ALDH6A1: variants seen among roughly 807,000 people sequenced by gnomAD.
ALDH6A1 encodes the protein aldehyde dehydrogenase 6 family member A1.
ALDH6A1 carries 43 observed loss-of-function variants against 62.6 expected under a neutral mutation model. That is an observed-to-expected ratio of 0.69 (90% CI 0.54 to 0.89). The LOEUF (loss-of-function observed/expected upper bound fraction) is 0.89. Among genes scored for constraint, ALDH6A1 ranks in the 40% least tolerant of loss-of-function variants. ALDH6A1 has a pLI of 0.00. For missense variants in ALDH6A1, 551 were observed against 661.3 expected (o/e 0.83, Z 1.83); for synonymous variants, 194 against 234.2 (o/e 0.83, Z 1.57).
chr14:74,070,252 C>T (rs528879533), intron 6 of ALDH6A1, among the ~76,000 whole-genome samples: 35 of 152,144 alleles, frequency 2.3e-4, no homozygotes, highest in Admixed American at 8.5e-4. Context: ...GGCACAGTGG[C>T]TCACACCTGT....
In ALDH6A1 at chr14:74,058,239, A is replaced by C. The variant is rs2060263315; in HGVS notation, c.*2403T>G. On this transcript the variant is annotated 3_prime_UTR_variant, in exon 12 of 12. Transcript: ENST00000553458. ...CTACTCGGGAGACTGAGGCAGGAGA[A>C]TTACTTGAACCCAGGAGGTGGAGGT... 1 of 152,342 alleles carries C rather than the reference A, an allele frequency of 6.6e-6. No individual in the cohort carries two copies. Among genetic ancestry groups the C allele is most frequent in the African/African-American group, 2.4e-5 (1 of 41,430 alleles). The allele number at this position is 152,342 out of a possible 1,614,324, so 9.4% of individuals were successfully genotyped here.
At chr14:74,082,386 A>C (rs1055973935) in intron 1 of ALDH6A1, among the ~76,000 whole-genome samples, 1 of 149,336 alleles carries the variant, frequency 6.7e-6, no homozygotes, top group Non-Finnish European at 1.5e-5. Context: ...TGGCTGCCAA[A>C]ATCGAGGTTT....
Position 74,057,310 on chromosome 14 carries a change from A to G in ALDH6A1, c.*3332T>C, listed in dbSNP as rs1463159448. 4 of 1,611,958 alleles carry G rather than the reference A, an allele frequency of 2.5e-6. No homozygotes were observed. Among genetic ancestry groups the G allele is most frequent in the Admixed American group, 1.7e-5 (1 of 59,736 alleles). ...ATGTATATTGTTGTCACCCTTCCCC[A>G]TGTCGCTTCTTGCTAAATCACGGTT... is the stretch of plus-strand genomic sequence containing the variant. On this transcript the variant is annotated 3_prime_UTR_variant, in exon 12 of 12. Coordinates refer to ENST00000553458, the MANE Select transcript of ALDH6A1 (RefSeq NM_005589.4).
At chr14:74,071,021 A>G (rs2072294) in intron 6 of ALDH6A1, 174 bp downstream of exon 6, 144,165 of 688,902 alleles carry the variant, frequency 0.21, 17,567 homozygotes, top group South Asian at 0.43. Context: ...CTATTCCCCA[A>G]TCAGTTACCT....
chr14:74,064,816 A>C lies in ALDH6A1; in HGVS notation c.1503+6T>G, dbSNP rs567356756. On this transcript the variant is annotated splice_donor_region_variant and intron_variant, in intron 11 of 11. Transcript: ENST00000553458. ...GAAAAGACAAAAAATTTAACTCAAA[A>C]GTTACCTGTTTGCCATAGAAATTGG... 5 of 1,613,918 alleles carry C rather than the reference A, an allele frequency of 3.1e-6. No individual in the cohort carries two copies. The African/African-American group carries it at 5.3e-5, about 17-fold the overall frequency.
At chr14:74,079,618 G>C (rs538987572) in intron 1 of ALDH6A1, among the ~76,000 whole-genome samples, 3 of 151,998 alleles carry the variant, frequency 2.0e-5, no homozygotes, top group African/African-American at 7.2e-5. Flanking sequence ...ATTTTTAGTA[G>C]AGATGGGGTT....
Position 74,065,370 on chromosome 14 carries a change from G to C in ALDH6A1, c.1225-10C>G. On this transcript the variant is annotated splice_polypyrimidine_tract_variant and intron_variant, in intron 9 of 11. Coordinates refer to ENST00000553458, the MANE Select transcript of ALDH6A1 (RefSeq NM_005589.4). ...AACAGGTCATATTTGGCTGCCAGGAGTGATGCATCCAGAAAAGAAGTCAGC... is the reference window on the plus strand; with the variant it reads ...AACAGGTCATATTTGGCTGCCAGGACTGATGCATCCAGAAAAGAAGTCAGC... 1 of 1,613,584 alleles carries C rather than the reference G, an allele frequency of 6.2e-7. No homozygotes were observed. The highest frequency in any genetic ancestry group is 1.3e-5 in the African/African-American group (1 of 75,046).
chr14:74,081,947 C>G (rs753202692), intron 1 of ALDH6A1, among the ~76,000 whole-genome samples: 1 of 152,166 alleles, frequency 6.6e-6, no homozygotes, highest in Non-Finnish European at 1.5e-5. Context: ...CGGTTCGTGC[C>G]TGTAGTCCCA....
chr14:74,065,037 T>C, intron 10 of ALDH6A1, 117 bp from the exon 11 acceptor site: 2 of 1,373,978 alleles, frequency 1.5e-6, no homozygotes, highest in South Asian at 1.2e-5. Context: ...CTCTACCCCA[T>C]GAACTTTCAT....
intron 6 of ALDH6A1, among the ~76,000 whole-genome samples, chr14:74,070,041 A>G (rs1282038177): frequency 1.3e-5 from 2 of 151,770 alleles, no homozygotes; most frequent in East Asian, 3.9e-4. Context: ...GGGTTTCGCC[A>G]CATGGCCCAG....
chr14:74,064,718 TCA>T (rs768150214), intron 11 of ALDH6A1, 102 bp downstream of exon 11: 1 of 1,613,736 alleles, frequency 6.2e-7, no homozygotes, highest in Non-Finnish European at 8.5e-7. Flanking sequence ...GATTATGACC[TCA>T]CAGATGCTGC....
intron 4 of ALDH6A1, 47 bp downstream of exon 4, chr14:74,072,156 A>C: frequency 3.1e-6 from 5 of 1,613,476 alleles, no homozygotes; most frequent in Non-Finnish European, 3.4e-6. Flanking sequence ...AGTGACAAAC[A>C]TGCCCTAGGT....
chr14:74,069,004 C>A (rs367806086), intron 6 of ALDH6A1, 23 bp from the exon 7 acceptor site: 31 of 1,611,214 alleles, frequency 1.9e-5, no homozygotes, highest in East Asian at 1.6e-4. Context: ...AATAAATGAT[C>A]ACTCACAAAG....
At chr14:74,081,231 T>A (rs944214597) in intron 1 of ALDH6A1, 1 of 152,216 alleles carries the variant, frequency 6.6e-6, no homozygotes, top group Non-Finnish European at 1.5e-5. Context: ...TTGAGGTCAC[T>A]AGATTGTTGT....
rs776650326 is a variant in ALDH6A1 at position 74,084,437 on chromosome 14, C to G, written c.-43G>C. ...GCTCCGCACCCCGCGCCTCTACTGC[C>G]CAGAAGCACTACAGCTGCCAGGCCT... On this transcript the variant is annotated 5_prime_UTR_variant, in exon 1 of 12. Transcript: ENST00000553458. 5.6e-6 allele frequency: 9 copies of G among 1,609,230 alleles called. No homozygotes were observed. In the South Asian group the frequency reaches 8.8e-5, roughly 16 times the overall value.
chr14:74,060,927 C>T (rs894671557), intron 11 of ALDH6A1, among the ~76,000 whole-genome samples, 181 bp from the exon 12 acceptor site: 1 of 151,914 alleles, frequency 6.6e-6, no homozygotes, highest in East Asian at 1.9e-4. Flanking sequence ...TAATACCTGG[C>T]AGATAGTAAA....
intron 9 of ALDH6A1, 60 bp from the exon 10 acceptor site, chr14:74,065,420 C>T (rs540417802): frequency 6.7e-7 from 1 of 1,501,362 alleles, no homozygotes; most frequent in Non-Finnish European, 9.2e-7. Context: ...GTATTTTATG[C>T]TTATTTGGTA....
intron 11 of ALDH6A1, among the ~76,000 whole-genome samples, chr14:74,062,493 C>T (rs903616821): frequency 2.0e-5 from 3 of 151,812 alleles, no homozygotes; most frequent in Admixed American, 2.0e-4. Context: ...CCCAGCTACT[C>T]GGGAGGCATA....
intron 1 of ALDH6A1, among the ~76,000 whole-genome samples, chr14:74,079,638 T>A (rs1339678536): frequency 6.6e-6 from 1 of 151,854 alleles, no homozygotes; most frequent in African/African-American, 2.4e-5. Flanking sequence ...TTCACCATGT[T>A]AGCCAGGATG....
Sources: allele counts gnomAD v4.1 joint callset (sites outside exome capture counted in the v4.1 genomes callset), GRCh38; gene constraint gnomAD v4.1.1; transcripts MANE v1.5; gene names NCBI Gene and HGNC (gene_info 2026-07-23, HGNC 2026-07-21).